RCAN2: variants seen among roughly 807,000 people sequenced by gnomAD.
The protein encoded by RCAN2 is regulator of calcineurin 2, also known as calcipressin-2.
Under a neutral mutation model 23.6 loss-of-function variants are expected in RCAN2, and 9 were observed. That is an observed-to-expected ratio of 0.38 (90% CI 0.23 to 0.67). The LOEUF is 0.67. Among genes scored for constraint, RCAN2 ranks in the 30% least tolerant of loss-of-function variants. RCAN2 has a pLI of 0.51. For synonymous variants in RCAN2, 109 were observed against 115.7 expected (o/e 0.94, Z 0.37); for missense variants, 273 against 302.3 (o/e 0.90, Z 0.72).
intron 2 of RCAN2, among the ~76,000 whole-genome samples, chr6:46,370,957 G>C (rs1765305279): frequency 1.3e-5 from 2 of 152,160 alleles, no homozygotes; most frequent in Admixed American, 6.5e-5. Flanking sequence ...GCTAGCTTCT[G>C]GGGATTTAAC....
At chr6:46,270,135 G>T (rs1050904317) in intron 2 of RCAN2, among the ~76,000 whole-genome samples, 1 of 152,146 alleles carries the variant, frequency 6.6e-6, no homozygotes, top group African/African-American at 2.4e-5. Context: ...GGGCTTGTGG[G>T]TGGGAAGTGC....
At chr6:46,349,962 T>TA (rs1203478662) in intron 2 of RCAN2, among the ~76,000 whole-genome samples, 2 of 152,184 alleles carry the variant, frequency 1.3e-5, no homozygotes, top group Non-Finnish European at 2.9e-5. Flanking sequence ...CTCTGGTCTT[T>TA]AAAAACCTAC....
chr6:46,353,159 G>A (rs75840978), intron 2 of RCAN2, among the ~76,000 whole-genome samples: 2,207 of 152,232 alleles, frequency 0.014, 56 homozygotes, highest in African/African-American at 0.049. Context: ...TTTTTAGTAT[G>A]GTAATGAGGG....
intron 4 of RCAN2, among the ~76,000 whole-genome samples, chr6:46,238,677 T>G (rs1012494084): frequency 6.6e-6 from 1 of 152,140 alleles, no homozygotes; most frequent in Non-Finnish European, 1.5e-5. Context: ...GTCTCCTGAG[T>G]GGCTGGCACC....
At chr6:46,484,047 C>A (rs977006077) in intron 1 of RCAN2, among the ~76,000 whole-genome samples, 1 of 152,152 alleles carries the variant, frequency 6.6e-6, no homozygotes, top group Non-Finnish European at 1.5e-5. Context: ...ATAAACTGAG[C>A]ATTGATTTGT....
chr6:46,300,443 A>G (rs6917741), intron 2 of RCAN2, among the ~76,000 whole-genome samples: 108,534 of 151,798 alleles, frequency 0.71, 40,431 homozygotes, highest in Non-Finnish European at 0.83. Context: ...AATGGTATAT[A>G]AAATTTAAAA....
At chr6:46,459,383 TA>T in intron 1 of RCAN2, among the ~76,000 whole-genome samples, 1 of 152,364 alleles carries the variant, frequency 6.6e-6, no homozygotes, top group East Asian at 1.9e-4. Context: ...AAAAAAAATC[TA>T]AAATCCATTG....
chr6:46,355,285 C>A (rs1239916734), intron 2 of RCAN2, among the ~76,000 whole-genome samples: 1 of 152,102 alleles, frequency 6.6e-6, no homozygotes, highest in East Asian at 1.9e-4. Flanking sequence ...GAGTCTCTTC[C>A]CCCATAGGAA....
chr6:46,302,799 A>AT (rs1385175102), intron 2 of RCAN2, among the ~76,000 whole-genome samples: 3 of 151,956 alleles, frequency 2.0e-5, no homozygotes, highest in Non-Finnish European at 4.4e-5. Flanking sequence ...GCTTTTATAG[A>AT]TTTTATCTCA....
chr6:46,249,225 T>C (rs992987969), intron 2 of RCAN2, among the ~76,000 whole-genome samples: 2 of 152,048 alleles, frequency 1.3e-5, no homozygotes, highest in Non-Finnish European at 2.9e-5. Flanking sequence ...AGAAGTTCAT[T>C]ATCTCCAAAA....
At chr6:46,270,151 G>A (rs916187330) in intron 2 of RCAN2, among the ~76,000 whole-genome samples, 1 of 152,150 alleles carries the variant, frequency 6.6e-6, no homozygotes, top group African/African-American at 2.4e-5. Context: ...AGTGCTGACA[G>A]GCTTCAGGAC....
At chr6:46,341,616 G>A (rs1254599754) in intron 2 of RCAN2, among the ~76,000 whole-genome samples, 1 of 152,012 alleles carries the variant, frequency 6.6e-6, no homozygotes, top group African/African-American at 2.4e-5. Flanking sequence ...GGCCAACATG[G>A]TGAGACCCCC....
intron 2 of RCAN2, among the ~76,000 whole-genome samples, chr6:46,364,195 T>C (rs1223229226): frequency 1.3e-5 from 2 of 152,328 alleles, no homozygotes; most frequent in South Asian, 2.1e-4. Flanking sequence ...TAAATCTCTT[T>C]ATGTTGGCTA....
chr6:46,429,870 T>C (rs1231259740), intron 2 of RCAN2, among the ~76,000 whole-genome samples: 1 of 152,144 alleles, frequency 6.6e-6, no homozygotes, highest in East Asian at 1.9e-4. Flanking sequence ...CGGCTGGCAG[T>C]GTATATGGCA....
chr6:46,365,865 T>C (rs1429821700), intron 2 of RCAN2, among the ~76,000 whole-genome samples: 1 of 152,216 alleles, frequency 6.6e-6, no homozygotes, highest in Non-Finnish European at 1.5e-5. Context: ...TAAATAATAA[T>C]GGCTAACATT....
intron 2 of RCAN2, among the ~76,000 whole-genome samples, chr6:46,320,318 T>G (rs1582100994): frequency 6.6e-6 from 1 of 152,174 alleles, no homozygotes; most frequent in South Asian, 2.1e-4. Context: ...CTAAATTGTG[T>G]CACTTGTTTC....
chr6:46,225,028 T>C (rs1582000964), intron 4 of RCAN2, among the ~76,000 whole-genome samples: 1 of 151,392 alleles, frequency 6.6e-6, no homozygotes. Flanking sequence ...TGAGAATATG[T>C]GGTGTTTGGC....
chr6:46,462,146 C>T (rs948035983), intron 1 of RCAN2, among the ~76,000 whole-genome samples: 5 of 148,030 alleles, frequency 3.4e-5, no homozygotes, highest in African/African-American at 1.2e-4. Context: ...AAACCTCCAG[C>T]TCATATCATT....
chr6:46,350,672 C>T (rs1349063959), intron 2 of RCAN2, among the ~76,000 whole-genome samples: 1 of 152,190 alleles, frequency 6.6e-6, no homozygotes, highest in Admixed American at 6.5e-5. Flanking sequence ...GTCACTGCTG[C>T]TTAAGGAATT....
Sources: gnomAD v4.1 joint callset for allele counts (sites outside exome capture counted in the v4.1 genomes callset) on GRCh38, gnomAD v4.1.1 for gene constraint, MANE v1.5 for transcripts, NCBI Gene and HGNC (gene_info 2026-07-23, HGNC 2026-07-21) for gene names.